The following SIL1 variants were observed in gnomAD, a reference collection of about 807,000 sequenced individuals.
SIL1 encodes the protein nucleotide exchange factor SIL1.
A neutral mutation model predicts 49.1 loss-of-function variants in SIL1; 40 were observed. That is an observed-to-expected ratio of 0.81 (90% CI 0.63 to 1.06). The LOEUF is 1.06. Among genes scored for constraint, SIL1 ranks in the 50% least tolerant of loss-of-function variants. The pLI is 0.00. For synonymous variants in SIL1, 253 were observed against 250.8 expected, an observed-to-expected ratio of 1.01 and a Z score of -0.08; for missense variants, 500 against 572.6, an observed-to-expected ratio of 0.87 and a Z score of 1.29.
At chr5:138,988,534 T>C (rs1364947962) in intron 7 of SIL1, among the ~76,000 whole-genome samples, 2 of 152,230 alleles carry the variant, frequency 1.3e-5, no homozygotes, top group African/African-American at 2.4e-5. Context: ...TGAAGCACTG[T>C]CATTTTTAAA....
rs67604334 is a variant in SIL1 at position 139,071,666 on chromosome 5, A to ATT, written c.245-20622_245-20621dup. Among the ~76,000 whole-genome samples the ATT allele has an allele frequency of 4.9e-4, 62 of 127,392 alleles. 1 individual carries two copies. Among genetic ancestry groups the ATT allele is most frequent in the Admixed American group, 8.0e-4 (10 of 12,492 alleles). 83.6% of individuals were successfully genotyped at this position (127,392 alleles called of 152,430 possible). ...AGCATTCATACCTTTTATTATTAGC[A>ATT]TTTTTTTTTTTTTTTTTTTGAGACG... On this transcript the variant is annotated intron_variant, in intron 3 of 9. Transcript: ENST00000394817.
chr5:139,171,129 G>A (rs1300340385), intron 1 of SIL1, among the ~76,000 whole-genome samples: 11 of 151,780 alleles, frequency 7.2e-5, no homozygotes, highest in Non-Finnish European at 8.8e-5. Flanking sequence ...GGTGAGGGGC[G>A]CCTCTGCCCC....
chr5:138,989,201 C>T (rs761798521), intron 7 of SIL1, among the ~76,000 whole-genome samples: 12 of 152,176 alleles, frequency 7.9e-5, no homozygotes, highest in Non-Finnish European at 1.5e-4. Context: ...AATCTGGACA[C>T]TTACCAAAAT....
intron 7 of SIL1, among the ~76,000 whole-genome samples, chr5:138,953,693 C>A (rs1025924726): frequency 6.6e-6 from 1 of 152,038 alleles, no homozygotes; most frequent in African/African-American, 2.4e-5. Flanking sequence ...CCCTGCCCCC[C>A]ACGACTTGAG....
intron 5 of SIL1, among the ~76,000 whole-genome samples, chr5:139,040,498 CTTT>C (rs11312366): frequency 1.4e-4 from 15 of 105,294 alleles, no homozygotes; most frequent in Non-Finnish European, 1.9e-4. Context: ...TTTCTTTTTT[CTTT>C]TTTTTTTTTT....
At chr5:139,051,153 G>T in intron 3 of SIL1, 107 bp from the exon 4 acceptor site, 1 of 952,488 alleles carries the variant, frequency 1.0e-6, no homozygotes, top group Non-Finnish European at 1.7e-6. Context: ...ACACGACTCA[G>T]CTGTGTTCAG....
rs111747961 is a variant in SIL1 at position 139,041,002 on chromosome 5, C to T, written c.453+1618G>A. ...GTGGGTCCTCCATCCACAGAGAAGA[C>T]GCTGAATAGGAGCTGTTTAATGTTC... On this transcript the variant is annotated intron_variant, in intron 5 of 9. Coordinates refer to ENST00000394817, the MANE Select transcript of SIL1 (RefSeq NM_022464.5). Among the ~76,000 whole-genome samples, 852 of 152,242 alleles carry T rather than the reference C, an allele frequency of 5.6e-3. 4 individuals carry two copies. The highest frequency in any genetic ancestry group is 0.02 in the African/African-American group (814 of 41,528).
chr5:139,146,453 G>A (rs1240835138), intron 1 of SIL1, among the ~76,000 whole-genome samples: 1 of 152,164 alleles, frequency 6.6e-6, no homozygotes, highest in Non-Finnish European at 1.5e-5. Context: ...AGGTATTCAG[G>A]AGGCTGAGGT....
intron 7 of SIL1, among the ~76,000 whole-genome samples, chr5:139,002,715 T>C (rs1406563489): frequency 5.9e-5 from 9 of 152,204 alleles, no homozygotes; most frequent in African/African-American, 1.7e-4. Flanking sequence ...TTTGCCCCCT[T>C]TGAAGGAATA....
chr5:139,007,839 G>C (rs1295546943), intron 7 of SIL1, among the ~76,000 whole-genome samples: 47 of 144,836 alleles, frequency 3.2e-4, no homozygotes, highest in African/African-American at 1.2e-3. Context: ...TAAGCTTTTT[G>C]ATGTGCTGCT....
chr5:139,096,873 C>A (rs1337044171), intron 3 of SIL1, among the ~76,000 whole-genome samples: 1 of 151,888 alleles, frequency 6.6e-6, no homozygotes, highest in African/African-American at 2.4e-5. Flanking sequence ...GGGTAGAGCA[C>A]CAAGCAGGGC....
chr5:139,179,049 C>CT (rs1751935862), intron 1 of SIL1, among the ~76,000 whole-genome samples: 1 of 152,218 alleles, frequency 6.6e-6, no homozygotes, highest in Non-Finnish European at 1.5e-5. Flanking sequence ...TCCTGACATT[C>CT]TTTAAGCTGG....
At chr5:138,977,521 G>A (rs1172333534) in intron 7 of SIL1, among the ~76,000 whole-genome samples, 1 of 151,870 alleles carries the variant, frequency 6.6e-6, no homozygotes, top group Non-Finnish European at 1.5e-5. Flanking sequence ...TGTCACCCAG[G>A]CTGGAGCACA....
At chr5:139,085,826 G>A (rs1240865089) in intron 3 of SIL1, among the ~76,000 whole-genome samples, 1 of 152,170 alleles carries the variant, frequency 6.6e-6, no homozygotes, top group African/African-American at 2.4e-5. Context: ...GAGGGCTCGA[G>A]CCAGAAATCT....
chr5:139,053,054 G>T (rs1324624867), intron 3 of SIL1, among the ~76,000 whole-genome samples: 1 of 152,162 alleles, frequency 6.6e-6, no homozygotes, highest in East Asian at 1.9e-4. Flanking sequence ...CTATTACTAT[G>T]ATCACAGGGC....
rs932836044 is a variant in SIL1 at position 139,108,689 on chromosome 5, G to A, written c.244+12346C>T. Among the ~76,000 whole-genome samples, 15 of 152,250 alleles carry A rather than the reference G, an allele frequency of 9.9e-5. No individual in the cohort carries two copies. The East Asian group carries it at 1.4e-3, about 14-fold the overall frequency. ...TTTCCTCTAGTTCTGACTGATCAGCGAAATACGTGGCTGGAAGAATAGGCT... is the reference window on the plus strand; with the variant it reads ...TTTCCTCTAGTTCTGACTGATCAGCAAAATACGTGGCTGGAAGAATAGGCT... On this transcript the variant is annotated intron_variant, in intron 3 of 9. Coordinates refer to ENST00000394817, the MANE Select transcript of SIL1 (RefSeq NM_022464.5).
At chr5:139,072,963 C>T (rs1769868663) in intron 3 of SIL1, among the ~76,000 whole-genome samples, 1 of 152,092 alleles carries the variant, frequency 6.6e-6, no homozygotes, top group Non-Finnish European at 1.5e-5. Flanking sequence ...AAAAGATCAA[C>T]ATCACTAATC....
In SIL1 at chr5:139,170,487, G is replaced by A. The variant is rs576912599; in HGVS notation, c.-11+27782C>T. Reference sequence around the variant, plus strand: ...GAGCGTCTCTGCCCGGCCGCCCATCGTCTGAGATGTGGGGAGCGCCTCTGC... The same window carrying A: ...GAGCGTCTCTGCCCGGCCGCCCATCATCTGAGATGTGGGGAGCGCCTCTGC... On this transcript the variant is annotated intron_variant, in intron 1 of 9. Transcript: ENST00000394817. 4.4e-4 allele frequency among the ~76,000 whole-genome samples: 58 copies of A among 132,876 alleles called. No individual in the cohort carries two copies. In the East Asian group the frequency reaches 7.0e-3, roughly 16 times the overall value. The allele number at this position is 132,876 out of a possible 152,430, so 87.2% of individuals were successfully genotyped here. A position where few individuals can be genotyped will look rare whatever the true frequency, so the allele number is the denominator to read the frequency against.
At chr5:139,016,586 G>A (rs1768404863) in intron 7 of SIL1, among the ~76,000 whole-genome samples, 1 of 152,016 alleles carries the variant, frequency 6.6e-6, no homozygotes, top group Non-Finnish European at 1.5e-5. Flanking sequence ...AAAGGAAAAG[G>A]GGAGTGAGTG....
Sources: gnomAD v4.1 joint callset for allele counts (sites outside exome capture counted in the v4.1 genomes callset) on GRCh38, gnomAD v4.1.1 for gene constraint, MANE v1.5 for transcripts, NCBI Gene and HGNC (gene_info 2026-07-23, HGNC 2026-07-21) for gene names.